Variants in B3GAT3 observed in about 807,000 individuals in gnomAD.
B3GAT3 encodes galactosylgalactosylxylosylprotein 3-beta-glucuronosyltransferase 3.
A neutral mutation model predicts 33.1 loss-of-function variants in B3GAT3; 19 were observed. The ratio of observed to expected loss-of-function variants is 0.57; its 90% CI spans 0.40 to 0.84. B3GAT3 has a LOEUF of 0.84. B3GAT3 is among the 40% of genes least tolerant of loss of function. B3GAT3 has a pLI of 0.00. For missense variants in B3GAT3, 344 were observed against 441.5 expected (o/e 0.78, Z 1.98); for synonymous variants, 167 against 193.5 (o/e 0.86, Z 1.14).
At chr11:62,618,669 A>C (rs1211122210) in intron 2 of B3GAT3, among the ~76,000 whole-genome samples, 2 of 149,640 alleles carry the variant, frequency 1.3e-5, no homozygotes, top group Admixed American at 6.7e-5. Flanking sequence ...TCAAAAAAAA[A>C]AAAAATACAA....
At chr11:62,615,956 G>C in intron 4 of B3GAT3, 157 bp from the exon 5 acceptor site, 2 of 1,505,838 alleles carry the variant, frequency 1.3e-6, no homozygotes, top group South Asian at 2.5e-5. Flanking sequence ...CTCTAAAACC[G>C]GGCCTTGGCC....
chr11:62,620,078 C>T (rs1943116444), intron 2 of B3GAT3, among the ~76,000 whole-genome samples: 4 of 151,904 alleles, frequency 2.6e-5, no homozygotes, highest in Admixed American at 2.6e-4. Flanking sequence ...GGCTGGAGTG[C>T]AATAGCGCAC....
intron 1 of B3GAT3, 115 bp downstream of exon 1, chr11:62,621,751 G>C (rs1943148803): frequency 1.7e-6 from 2 of 1,172,332 alleles, no homozygotes; most frequent in South Asian, 1.5e-5. Flanking sequence ...CCGCAGAGCT[G>C]TCCGGAGGGC....
intron 1 of B3GAT3, among the ~76,000 whole-genome samples, 159 bp downstream of exon 1, chr11:62,621,707 G>T (rs1290845576): frequency 6.6e-6 from 1 of 152,194 alleles, no homozygotes; most frequent in East Asian, 1.9e-4. Context: ...GCGGGTAGCC[G>T]CGGTGCGTTC....
Position 62,615,485 on chromosome 11 carries a change from A to G in B3GAT3, c.*216T>C. 1.2e-6 allele frequency: 1 copy of G among 865,184 alleles called. No homozygotes were observed. The highest frequency in any genetic ancestry group is 2.7e-5 in the East Asian group (1 of 37,206). The allele number at this position is 865,184 out of a possible 1,614,324, so 53.6% of individuals were successfully genotyped here. ...CCCTAGACAGGGCCAACCTGACTCAACACAAGGGCTGCTTGTCCCCAGCCT... is the reference window on the plus strand; with the variant it reads ...CCCTAGACAGGGCCAACCTGACTCAGCACAAGGGCTGCTTGTCCCCAGCCT... On this transcript the variant is annotated 3_prime_UTR_variant, in exon 5 of 5. Transcript: ENST00000265471.
chr11:62,621,442 T>C (rs1943142344), intron 1 of B3GAT3: 1 of 414,462 alleles, frequency 2.4e-6, no homozygotes, highest in Non-Finnish European at 4.8e-6. Flanking sequence ...GAGGTGACAT[T>C]TGAGCTAAGA....
At position 62,615,308 on chromosome 11, in the gene B3GAT3, T is replaced by C; in HGVS notation, c.*393A>G. The C allele has an allele frequency of 2.7e-6, 1 of 367,462 alleles. No individual in the cohort carries two copies. The highest frequency in any genetic ancestry group is 5.1e-6 in the Non-Finnish European group (1 of 196,522). 22.8% of individuals were successfully genotyped at this position (367,462 alleles called of 1,614,324 possible). A position where few individuals can be genotyped will look rare whatever the true frequency, so the allele number is the denominator to read the frequency against. On this transcript the variant is annotated 3_prime_UTR_variant, in exon 5 of 5. Coordinates refer to ENST00000265471, the MANE Select transcript of B3GAT3 (RefSeq NM_012200.4). ...AACAAGAGGCCCCTCCAGGTTGAGA[T>C]TCTTTATTCTGGAGGTAGGAAGGGG... is the stretch of plus-strand genomic sequence containing the variant.
At chr11:62,618,221 G>A (rs1229480242) in intron 2 of B3GAT3, among the ~76,000 whole-genome samples, 5 of 150,486 alleles carry the variant, frequency 3.3e-5, no homozygotes, top group South Asian at 2.1e-4. Flanking sequence ...AAGGGCACAG[G>A]CTTTGGGATC....
chr11:62,619,724 T>TTTTTTTTTTTTTG (rs1554969086), intron 2 of B3GAT3, among the ~76,000 whole-genome samples: 4 of 137,134 alleles, frequency 2.9e-5, no homozygotes, highest in African/African-American at 1.1e-4. Context: ...TTTTTTTTTT[T>TTTTTTTTTTTTTG]CAGAGACAAG....
At chr11:62,621,810 C>T (rs1436260759) in intron 1 of B3GAT3, 56 bp downstream of exon 1, 2 of 1,514,630 alleles carry the variant, frequency 1.3e-6, no homozygotes, top group Non-Finnish European at 8.9e-7. Context: ...GGGCGGGATG[C>T]ACGGCGGCGG....
rs746221368 is a variant in B3GAT3 at position 62,617,057 on chromosome 11, G to T, written c.548C>A (p.Pro183Gln). The change falls in exon 3 of 5, where the codon CCA (proline) becomes CAA (glutamine). Residue 183 changes from proline (P) to glutamine (Q), a missense_variant. Physicochemically the swap from Pro to Gln is moderately conservative, Grantham distance 76 (BLOSUM62 -1). Coordinates refer to ENST00000265471, the MANE Select transcript of B3GAT3 (RefSeq NM_012200.4). ...GAVGGEKDPP[P>Q]PGTQGVVYFA... ...GTAGACGACTCCTTGGGTCCCTGGTGGTGGTGGGTCCTTCTCCCCACCCAC... is the reference window on the plus strand; with the variant it reads ...GTAGACGACTCCTTGGGTCCCTGGTTGTGGTGGGTCCTTCTCCCCACCCAC... The T allele has an allele frequency of 4.3e-6, 7 of 1,614,180 alleles. No individual in the cohort carries two copies. In the East Asian group the frequency reaches 1.6e-4, roughly 36 times the overall value.
At position 62,621,157 on chromosome 11, in the gene B3GAT3, G is replaced by A. The variant is rs537899249; in HGVS notation, c.83-486C>T. ...CCAAAGACTCATTGTTAAATTCATT[G>A]ATTCCATCGTAGGATAAATATTTAT... On this transcript the variant is annotated intron_variant, in intron 1 of 4. Coordinates refer to ENST00000265471, the MANE Select transcript of B3GAT3 (RefSeq NM_012200.4). The A allele has an allele frequency of 5.5e-5, 25 of 457,510 alleles. No homozygotes were observed. The East Asian group carries it at 1.7e-3, about 32-fold the overall frequency. 28.3% of individuals were successfully genotyped at this position (457,510 alleles called of 1,614,324 possible).
chr11:62,616,042 G>A, intron 4 of B3GAT3: 1 of 1,234,700 alleles, frequency 8.1e-7, no homozygotes, highest in Non-Finnish European at 1.1e-6. Flanking sequence ...AGGAGATTGA[G>A]ACCATCCTGG....
At chr11:62,621,091 G>A (rs1429175676) in intron 1 of B3GAT3, 1 of 463,480 alleles carries the variant, frequency 2.2e-6, no homozygotes, top group Non-Finnish European at 4.3e-6. Context: ...CTAAATCTTT[G>A]CATAAGGGGC....
intron 2 of B3GAT3, 107 bp from the exon 3 acceptor site, chr11:62,617,454 T>G: frequency 6.7e-7 from 1 of 1,481,556 alleles, no homozygotes; most frequent in East Asian, 2.3e-5. Context: ...CCTGTGGCCC[T>G]TCCCAACCAA....
Position 62,615,737 on chromosome 11 carries a change from C to T in B3GAT3, c.972G>A (p.Arg324=), listed in dbSNP as rs1368082637. The change falls in exon 5 of 5, where the codon CGG becomes CGA. Residue 324 remains arginine, a synonymous_variant. Coordinates refer to ENST00000265471, the MANE Select transcript of B3GAT3 (RefSeq NM_012200.4). Reference sequence around the variant, plus strand: ...TTGCTGGGTCTGAGCCCCGGCCCTGCCGCTGCAGCTGCTCCTCCTGCTTCA... The same window carrying T: ...TTGCTGGGTCTGAGCCCCGGCCCTGTCGCTGCAGCTGCTCCTCCTGCTTCA... ...PKMKQEEQLQ[R]QGRGSDPAIE... The T allele has an allele frequency of 2.5e-6, 4 of 1,613,902 alleles. No individual in the cohort carries two copies. In the East Asian group the frequency reaches 8.9e-5, roughly 36 times the overall value.
Position 62,615,588 on chromosome 11 carries a change from C to T in B3GAT3, c.*113G>A, listed in dbSNP as rs1943006355. On this transcript the variant is annotated 3_prime_UTR_variant, in exon 5 of 5. Transcript: ENST00000265471. ...CCCTGGGCCTGGAGGGGCAGAGGGG[C>T]CACTTCTGGCTCCAAGGGTCAGGAC... 1 of 1,526,746 alleles carries T rather than the reference C, an allele frequency of 6.5e-7. No individual in the cohort carries two copies. Among genetic ancestry groups the T allele is most frequent in the African/African-American group, 1.4e-5 (1 of 72,874 alleles). The allele number at this position is 1,526,746 out of a possible 1,614,324, so 94.6% of individuals were successfully genotyped here.
At position 62,617,124 on chromosome 11, in the gene B3GAT3, G is replaced by C; in HGVS notation, c.481C>G (p.Arg161Gly). 6.2e-7 allele frequency: 1 copy of C among 1,613,878 alleles called. No homozygotes were observed. Among genetic ancestry groups the C allele is most frequent in the Non-Finnish European group, 8.5e-7 (1 of 1,179,988 alleles). ...CGGAGCCAGTCCAGGGCCTTGTTCC[G>C]CTGCTCGACACCACGGGGATGAACC... ...GWVHPRGVEQ[R>G]NKALDWLRGR... Residue 161 changes from arginine (R) to glycine (G), a missense_variant, in exon 3 of 5, where the codon CGG (arginine) becomes GGG (glycine). Physicochemically the swap from Arg to Gly is moderately radical, Grantham distance 125. Coordinates refer to ENST00000265471, the MANE Select transcript of B3GAT3 (RefSeq NM_012200.4).
chr11:62,621,079 C>T (rs568869679), intron 1 of B3GAT3: 2 of 466,884 alleles, frequency 4.3e-6, no homozygotes, highest in Non-Finnish European at 8.5e-6. Context: ...GTGGCACTGT[C>T]CCTAAATCTT....
Sources: allele counts gnomAD v4.1 joint callset (sites outside exome capture counted in the v4.1 genomes callset), GRCh38; gene constraint gnomAD v4.1.1; transcripts MANE v1.5; gene names NCBI Gene and HGNC (gene_info 2026-07-23, HGNC 2026-07-21).